LIPM: variants seen among roughly 807,000 people sequenced by gnomAD.
The protein encoded by LIPM is lipase family member M.
Under a neutral mutation model 42.4 loss-of-function variants are expected in LIPM, and 42 were observed. The observed-to-expected ratio is 0.99, with a 90% confidence interval of 0.77 to 1.28. LIPM has a LOEUF of 1.28. LIPM is among the 50% of genes most tolerant of loss of function. LIPM has a pLI of 0.00. For missense variants in LIPM, 524 were observed against 520.1 expected, an observed-to-expected ratio of 1.01 and a Z score of -0.07; for synonymous variants, 177 against 173.3, an observed-to-expected ratio of 1.02 and a Z score of -0.17.
At chr10:88,805,242 G>A (rs1350842689) in intron 1 of LIPM, among the ~76,000 whole-genome samples, 1 of 152,174 alleles carries the variant, frequency 6.6e-6, no homozygotes, top group Non-Finnish European at 1.5e-5. Flanking sequence ...TAAAAGCAAT[G>A]AAATAAAAGA....
intron 1 of LIPM, among the ~76,000 whole-genome samples, chr10:88,807,738 GA>G (rs1032024964): frequency 3.3e-5 from 5 of 152,170 alleles, no homozygotes; most frequent in African/African-American, 1.2e-4. Context: ...TTTAGAACTG[GA>G]AAGAACCTTA....
rs113058532 is a variant in LIPM, at chr10:88,808,181, GA to G, written c.148-113del. The G allele has an allele frequency of 2.1e-5, 13 of 622,026 alleles. 1 individual carries two copies. In the African/African-American group the frequency reaches 2.4e-4, roughly 11 times the overall value. 38.5% of individuals were successfully genotyped at this position (622,026 alleles called of 1,614,324 possible). Reference sequence around the variant, plus strand: ...TTCTAAGGTAACATGATTAGCTAGGGAAAAGCAAGGACTTTCACTGTGTTTT... The same window carrying G: ...TTCTAAGGTAACATGATTAGCTAGGGAAAGCAAGGACTTTCACTGTGTTTT... On this transcript the variant is annotated intron_variant, in intron 1 of 8. Coordinates refer to ENST00000404743, the MANE Select transcript of LIPM (RefSeq NM_001128215.1).
rs993328192 is a variant in LIPM, at chr10:88,817,901, G to C, written c.1002+5G>C. The stretch of plus-strand genomic sequence containing the variant: ...AATCTGGAAAAATGCAATCAGGTAA[G>C]AAAATCAAATACCATCTGCTGAAAA... On this transcript the variant is annotated splice_donor_5th_base_variant and intron_variant, in intron 8 of 8. Transcript: ENST00000404743. 1.3e-6 allele frequency: 2 copies of C among 1,548,644 alleles called. No homozygotes were observed. Among genetic ancestry groups the C allele is most frequent in the African/African-American group, 2.7e-5 (2 of 72,974 alleles).
chr10:88,806,124 G>A (rs553877967), intron 1 of LIPM: 2 of 399,366 alleles, frequency 5.0e-6, no homozygotes, highest in African/African-American at 4.1e-5. Flanking sequence ...ACTTCCAGTG[G>A]ATGGGACCAG....
At chr10:88,803,144 T>C in intron 1 of LIPM, 101 bp downstream of exon 1, 1 of 1,283,008 alleles carries the variant, frequency 7.8e-7, no homozygotes, top group Non-Finnish European at 1.1e-6. Context: ...TGGTGATTCA[T>C]ACTAGAAGAG....
chr10:88,819,054 A>ATT lies in LIPM; in HGVS notation c.1002+1167_1002+1168dup, dbSNP rs5786840. 0.016 allele frequency among the ~76,000 whole-genome samples: 2,399 copies of ATT among 149,278 alleles called. 104 individuals are homozygous for ATT. In the East Asian group the frequency reaches 0.17, roughly 11 times the overall value. ...AGGTGCACGCCACCATGCTCAGCTA[A>ATT]TTTTTTTTTTGTACTTTTAGGGATG... On this transcript the variant is annotated intron_variant, in intron 8 of 8. Transcript: ENST00000404743.
At position 88,802,789 on chromosome 10, in the gene LIPM, G is replaced by A. The variant is rs1843543235; in HGVS notation, c.-108G>A. On this transcript the variant is annotated 5_prime_UTR_variant, in exon 1 of 9. Transcript: ENST00000404743. ...CCTAATTTGCTTCAGAATTGGAAGA[G>A]GGAATTGCAGCAGGAAAATATGTGA... The A allele has an allele frequency of 2.6e-6, 3 of 1,169,302 alleles. No individual in the cohort carries two copies. The highest frequency in any genetic ancestry group is 3.6e-6 in the Non-Finnish European group (3 of 842,956). 72.4% of individuals were successfully genotyped at this position (1,169,302 alleles called of 1,614,324 possible). A position where few individuals can be genotyped will look rare whatever the true frequency, so the allele number is the denominator to read the frequency against.
At position 88,815,085 on chromosome 10, in the gene LIPM, C is replaced by A. The variant is rs1843701618; in HGVS notation, c.575-3C>A. ...TCATGTTGACATATTTCTTCTTTTG[C>A]AGGCTTTATTGCATTTTCCACCATG... On this transcript the variant is annotated splice_region_variant and splice_polypyrimidine_tract_variant and intron_variant, in intron 4 of 8. Coordinates refer to ENST00000404743, the MANE Select transcript of LIPM (RefSeq NM_001128215.1). The A allele has an allele frequency of 6.5e-7, 1 of 1,527,672 alleles. No individual in the cohort carries two copies. The highest frequency in any genetic ancestry group is 8.8e-7 in the Non-Finnish European group (1 of 1,139,952). 94.6% of individuals were successfully genotyped at this position (1,527,672 alleles called of 1,614,324 possible). A position where few individuals can be genotyped will look rare whatever the true frequency, so the allele number is the denominator to read the frequency against.
chr10:88,813,980 G>C (rs964822565), intron 3 of LIPM, among the ~76,000 whole-genome samples: 2 of 152,134 alleles, frequency 1.3e-5, no homozygotes, highest in Non-Finnish European at 2.9e-5. Context: ...TGACACATGG[G>C]GATTACAGGG....
intron 8 of LIPM, among the ~76,000 whole-genome samples, chr10:88,819,545 A>T (rs1194567629): frequency 2.0e-5 from 3 of 152,204 alleles, no homozygotes; most frequent in Admixed American, 2.0e-4. Flanking sequence ...CTGGATGCTG[A>T]TTAATCTCAA....
At position 88,808,288 on chromosome 10, in the gene LIPM, T is replaced by G. The variant is rs1176652124; in HGVS notation, c.148-10T>G. ...AACTGAACCTAAAAGAAATTGTGCTTTTTCCATAGAGTGAAATCATCCAAC... is the reference window on the plus strand; with the variant it reads ...AACTGAACCTAAAAGAAATTGTGCTGTTTCCATAGAGTGAAATCATCCAAC... On this transcript the variant is annotated splice_polypyrimidine_tract_variant and intron_variant, in intron 1 of 8. Transcript: ENST00000404743. 2.0e-6 allele frequency: 3 copies of G among 1,506,534 alleles called. No individual in the cohort carries two copies. Among genetic ancestry groups the G allele is most frequent in the Non-Finnish European group, 2.7e-6 (3 of 1,106,240 alleles). The allele number at this position is 1,506,534 out of a possible 1,614,324, so 93.3% of individuals were successfully genotyped here.
intron 8 of LIPM, among the ~76,000 whole-genome samples, chr10:88,818,877 TG>T (rs575379557): frequency 1.7e-4 from 26 of 152,272 alleles, no homozygotes; most frequent in South Asian, 4.1e-4. Flanking sequence ...TGTTCAAAGA[TG>T]TTTTTTTAAT....
intron 5 of LIPM, 31 bp from the exon 6 acceptor site, chr10:88,815,326 G>C: frequency 6.4e-7 from 1 of 1,550,682 alleles, no homozygotes; most frequent in Middle Eastern, 1.7e-4. Context: ...TTTTCTGTCT[G>C]TCATGTCTAT....
chr10:88,817,862 G>C lies in LIPM; in HGVS notation c.968G>C (p.Gly323Ala), dbSNP rs540001848. Reference protein sequence around the residue: ...NSGELRAFDWGSETKNLEKCN... With the variant: ...NSGELRAFDWASETKNLEKCN... Reference sequence around the variant, plus strand: ...GGTGAACTCCGGGCATTTGACTGGGGGAGTGAGACCAAAAATCTGGAAAAA... The same window carrying C: ...GGTGAACTCCGGGCATTTGACTGGGCGAGTGAGACCAAAAATCTGGAAAAA... Residue 323 changes from glycine (G) to alanine (A), a missense_variant, in exon 8 of 9, where the codon GGG becomes GCG. By Grantham distance (60) the Gly-to-Ala change is moderately conservative. Transcript: ENST00000404743. 9.2e-5 allele frequency: 143 copies of C among 1,551,342 alleles called. 4 individuals carry two copies. The South Asian group carries it at 1.5e-3, about 17-fold the overall frequency.
Position 88,815,079 on chromosome 10 carries a change from C to G in LIPM, c.575-9C>G. ...TCGTATTCATGTTGACATATTTCTTCTTTTGCAGGCTTTATTGCATTTTCC... is the reference window on the plus strand; with the variant it reads ...TCGTATTCATGTTGACATATTTCTTGTTTTGCAGGCTTTATTGCATTTTCC... On this transcript the variant is annotated splice_polypyrimidine_tract_variant and intron_variant, in intron 4 of 8. Transcript: ENST00000404743. 1 of 1,525,536 alleles carries G rather than the reference C, an allele frequency of 6.6e-7. No homozygotes were observed. The highest frequency in any genetic ancestry group is 8.8e-7 in the Non-Finnish European group (1 of 1,139,300). 94.5% of individuals were successfully genotyped at this position (1,525,536 alleles called of 1,614,324 possible). A position where few individuals can be genotyped will look rare whatever the true frequency, so the allele number is the denominator to read the frequency against.
rs182064879 is a variant in LIPM, at chr10:88,812,844, C to T, written c.266-253C>T. Reference sequence around the variant, plus strand: ...GAACAGAAGTTAAACTTTATAGATTCTTTTTCTGCCGGGCAACATGCCATC... The same window carrying T: ...GAACAGAAGTTAAACTTTATAGATTTTTTTTCTGCCGGGCAACATGCCATC... On this transcript the variant is annotated intron_variant, in intron 2 of 8. Transcript: ENST00000404743. Among the ~76,000 whole-genome samples, 1,414 of 152,284 alleles carry T rather than the reference C, an allele frequency of 9.3e-3. 6 individuals carry two copies. Among genetic ancestry groups the T allele is most frequent in the Middle Eastern group, 0.034 (10 of 294 alleles).
intron 1 of LIPM, among the ~76,000 whole-genome samples, chr10:88,806,480 T>A (rs540355747): frequency 6.6e-6 from 1 of 152,142 alleles, no homozygotes; most frequent in African/African-American, 2.4e-5. Flanking sequence ...TTTTTATATA[T>A]ATTTAACTCC....
Position 88,803,003 on chromosome 10 carries a change from T to C in LIPM, c.107T>C (p.Met36Thr). The C allele has an allele frequency of 6.4e-7, 1 of 1,551,444 alleles. No homozygotes were observed. The highest frequency in any genetic ancestry group is 8.7e-7 in the Non-Finnish European group (1 of 1,146,720). ...CAGAGAAATGTGAATTCAGTACATA[T>C]GCCAACTAAAGCTGTGGACCCAGAA... ...MFQRNVNSVH[M>T]PTKAVDPEAF... The change falls in exon 1 of 9, where the codon ATG (methionine) becomes ACG (threonine). Residue 36 changes from methionine to threonine, a missense_variant. Coordinates refer to ENST00000404743, the MANE Select transcript of LIPM (RefSeq NM_001128215.1).
At chr10:88,817,018 T>C (rs1843725971) in intron 7 of LIPM, 131 bp downstream of exon 7, 1 of 712,224 alleles carries the variant, frequency 1.4e-6, no homozygotes. Flanking sequence ...GTATCGTCGA[T>C]GCTATTTTGA....
Sources: allele counts gnomAD v4.1 joint callset (sites outside exome capture counted in the v4.1 genomes callset), GRCh38; gene constraint gnomAD v4.1.1; transcripts MANE v1.5; gene names NCBI Gene and HGNC (gene_info 2026-07-23, HGNC 2026-07-21).